Variants in BNC2 observed in about 807,000 individuals in gnomAD.
BNC2 encodes zinc finger protein basonuclin-2.
In BNC2, 20 loss-of-function variants were observed where a neutral mutation model predicts 76.3. The ratio of observed to expected loss-of-function variants is 0.26; its 90% CI spans 0.18 to 0.38. The LOEUF is 0.38. Ranked by LOEUF, BNC2 falls within the 10% of genes least tolerant of loss-of-function variation. The probability of loss-of-function intolerance (pLI) is 1.00; values close to 1 mark genes in which losing one functional copy is unlikely to be tolerated. For missense variants in BNC2, 1,382 were observed against 1,399.8 expected (o/e 0.99, Z 0.20); for synonymous variants, 582 against 514.8 (o/e 1.13, Z -1.77).
At chr9:16,606,849 C>T (rs927804346) in intron 3 of BNC2, among the ~76,000 whole-genome samples, 10 of 152,326 alleles carry the variant, frequency 6.6e-5, no homozygotes, top group African/African-American at 1.9e-4. Context: ...TGAGCCACCA[C>T]GCCTGGCCGG....
At chr9:16,813,410 C>T (rs916507512) in intron 1 of BNC2, among the ~76,000 whole-genome samples, 25 of 151,498 alleles carry the variant, frequency 1.7e-4, no homozygotes, top group South Asian at 4.2e-4. Flanking sequence ...GGACTACAGG[C>T]GCCCGCCACT....
rs372768243 is a variant in BNC2, at chr9:16,436,074, C to T, written c.2120G>A (p.Arg707Lys). The change falls in exon 6 of 7, where the codon AGG (arginine) becomes AAG (lysine). Residue 707 changes from arginine to lysine, a missense_variant. Arg to Lys is a conservative substitution (Grantham distance 26). Coordinates refer to ENST00000380672, the MANE Select transcript of BNC2 (RefSeq NM_017637.6). The part of the protein sequence containing the change: ...TRCISRTEIR[R>K]ADSMTSEDQE... ...GTCTTCAGAAGTCATGCTGTCGGCC[C>T]TCCTTATTTCAGTCCTTGAAATGCA... 2.5e-6 allele frequency: 4 copies of T among 1,614,152 alleles called. No individual in the cohort carries two copies. The highest frequency in any genetic ancestry group is 3.4e-6 in the Non-Finnish European group (4 of 1,180,034).
chr9:16,590,981 A>G (rs1819915016), intron 3 of BNC2, among the ~76,000 whole-genome samples: 1 of 152,208 alleles, frequency 6.6e-6, no homozygotes, highest in Non-Finnish European at 1.5e-5. Flanking sequence ...AAACATGACC[A>G]AAAAGATGAA....
At chr9:16,571,788 G>A (rs1043313719) in intron 4 of BNC2, among the ~76,000 whole-genome samples, 13 of 151,766 alleles carry the variant, frequency 8.6e-5, no homozygotes, top group African/African-American at 2.7e-4. Context: ...CTGATCCTAC[G>A]ACAGGTTTTC....
chr9:16,606,624 A>G (rs7872747), intron 3 of BNC2, among the ~76,000 whole-genome samples: 2 of 150,952 alleles, frequency 1.3e-5, no homozygotes, highest in African/African-American at 4.9e-5. Context: ...CCTCCACCCC[A>G]CAACGTTCAA....
intron 1 of BNC2, among the ~76,000 whole-genome samples, chr9:16,833,528 C>T (rs1172316778): frequency 1.3e-5 from 2 of 152,166 alleles, no homozygotes; most frequent in East Asian, 3.9e-4. Context: ...TTCCTTTAGC[C>T]TTACTTCACT....
chr9:16,730,133 A>C (rs1159521593), intron 2 of BNC2, among the ~76,000 whole-genome samples: 1 of 151,926 alleles, frequency 6.6e-6, no homozygotes, highest in Non-Finnish European at 1.5e-5. Context: ...ACAAAAATCA[A>C]CTGGCATGCA....
At chr9:16,589,985 G>A (rs1437359541) in intron 3 of BNC2, among the ~76,000 whole-genome samples, 2 of 152,094 alleles carry the variant, frequency 1.3e-5, no homozygotes, top group East Asian at 1.9e-4. Context: ...CCACTCAGGT[G>A]TGGTGGCTTA....
chr9:16,606,578 G>A (rs1820391860), intron 3 of BNC2, among the ~76,000 whole-genome samples: 1 of 151,976 alleles, frequency 6.6e-6, no homozygotes, highest in African/African-American at 2.4e-5. Context: ...TTTCACCCAG[G>A]CTGGAGTGAA....
intron 1 of BNC2, among the ~76,000 whole-genome samples, chr9:16,792,506 A>C (rs1817540851): frequency 6.6e-6 from 1 of 152,214 alleles, no homozygotes; most frequent in South Asian, 2.1e-4. Flanking sequence ...GGAAATTTTC[A>C]GGTTTCTGGC....
chr9:16,434,061 T>C (rs920874004), intron 6 of BNC2, among the ~76,000 whole-genome samples: 2 of 152,102 alleles, frequency 1.3e-5, no homozygotes, highest in African/African-American at 4.8e-5. Context: ...TGAAATAACG[T>C]TGTGACTATA....
intron 3 of BNC2, among the ~76,000 whole-genome samples, chr9:16,673,390 G>C (rs1822537327): frequency 1.2e-5 from 1 of 84,424 alleles, no homozygotes. Context: ...GTAGATGAAT[G>C]ATTCAAAAAG....
intron 5 of BNC2, among the ~76,000 whole-genome samples, chr9:16,460,346 G>A (rs1821548015): frequency 6.6e-6 from 1 of 151,916 alleles, no homozygotes; most frequent in African/African-American, 2.4e-5. Context: ...AATAAGGCCG[G>A]GCACAGTGGC....
chr9:16,737,386 G>C (rs35007358), intron 2 of BNC2, among the ~76,000 whole-genome samples: 64,353 of 150,788 alleles, frequency 0.43, 18,464 homozygotes, highest in Non-Finnish European at 0.64. Context: ...GAGTAGCTGG[G>C]ACTACAGGCG....
intron 4 of BNC2, among the ~76,000 whole-genome samples, chr9:16,573,335 C>T (rs191144921): frequency 1.3e-5 from 2 of 151,584 alleles, no homozygotes; most frequent in Admixed American, 6.6e-5. Context: ...TGTTTAAAAA[C>T]GTATTTGACA....
chr9:16,610,037 T>C (rs1820501257), intron 3 of BNC2, among the ~76,000 whole-genome samples: 1 of 152,160 alleles, frequency 6.6e-6, no homozygotes, highest in Non-Finnish European at 1.5e-5. Context: ...ATCTCATCCA[T>C]ATTATGGATA....
chr9:16,734,775 G>C (rs1824615955), intron 2 of BNC2, among the ~76,000 whole-genome samples: 1 of 152,226 alleles, frequency 6.6e-6, no homozygotes, highest in East Asian at 1.9e-4. Context: ...GAAAGCTTGT[G>C]TGCTGAAGAC....
chr9:16,699,412 CA>C (rs1424244933), intron 3 of BNC2, among the ~76,000 whole-genome samples: 1 of 152,220 alleles, frequency 6.6e-6, no homozygotes, highest in Admixed American at 6.5e-5. Flanking sequence ...TTATGCTGCT[CA>C]GTGACTGATT....
At chr9:16,799,207 A>G (rs1456712315) in intron 1 of BNC2, among the ~76,000 whole-genome samples, 2 of 152,306 alleles carry the variant, frequency 1.3e-5, no homozygotes, top group East Asian at 3.9e-4. Flanking sequence ...GAAATTAGTC[A>G]TAACTCCAGA....
Sources: allele counts gnomAD v4.1 joint callset (sites outside exome capture counted in the v4.1 genomes callset), GRCh38; gene constraint gnomAD v4.1.1; transcripts MANE v1.5; gene names NCBI Gene and HGNC (gene_info 2026-07-23, HGNC 2026-07-21).